The following COL13A1 variants were observed in gnomAD, a reference collection of about 807,000 sequenced individuals.
COL13A1 encodes the protein collagen alpha-1(XIII) chain.
In COL13A1, 89 loss-of-function variants were observed where a neutral mutation model predicts 130.9. The observed-to-expected ratio is 0.68, with a 90% CI of 0.57 to 0.81. The LOEUF (loss-of-function observed/expected upper bound fraction) is 0.81. COL13A1 is among the 30% of genes least tolerant of loss of function. COL13A1 has a pLI of 0.00. For synonymous variants in COL13A1, 402 were observed against 341.6 expected (o/e 1.18, Z -1.95); for missense variants, 879 against 934.6 (o/e 0.94, Z 0.78).
At chr10:69,896,153 G>A (rs942570) in intron 13 of COL13A1, among the ~76,000 whole-genome samples, 151,618 of 152,272 alleles carry the variant, frequency 1, 75,487 homozygotes, top group Middle Eastern at 1. Context: ...CTCTTTAAAA[G>A]CAGAGGAAAC....
At chr10:69,905,020 G>A in intron 16 of COL13A1, 61 bp downstream of exon 16, 1 of 1,534,872 alleles carries the variant, frequency 6.5e-7, no homozygotes. Context: ...GGAGGGAGGG[G>A]GAGGCAGCAC....
intron 36 of COL13A1, among the ~76,000 whole-genome samples, 185 bp downstream of exon 36, chr10:69,944,363 G>A (rs1589692902): frequency 6.6e-6 from 1 of 152,272 alleles, no homozygotes; most frequent in Middle Eastern, 3.4e-3. Context: ...GAGGGATCAA[G>A]GAGATGGAGA....
At position 69,944,154 on chromosome 10, in the gene COL13A1, C is replaced by T. The variant is rs777477660; in HGVS notation, c.1944C>T (p.Gly648=). ...PGTPGPIGVP[G]PAGPKGERGS... is the part of the protein sequence containing the mutation. ...CTCCAGGACCAATTGGAGTTCCAGGCCCAGCGGGACCAAAGGGCGAGAGGG... is the reference window on the plus strand; with the variant it reads ...CTCCAGGACCAATTGGAGTTCCAGGTCCAGCGGGACCAAAGGGCGAGAGGG... The change falls in exon 36 of 41, where the codon GGC becomes GGT. Residue 648 remains glycine, a synonymous_variant. Coordinates refer to ENST00000645393, the MANE Select transcript of COL13A1 (RefSeq NM_001368882.1). 2.0e-5 allele frequency: 33 copies of T among 1,613,708 alleles called. No individual in the cohort carries two copies. In the Admixed American group the frequency reaches 5.5e-4, roughly 27 times the overall value.
At chr10:69,872,519 A>G (rs920741847) in intron 4 of COL13A1, among the ~76,000 whole-genome samples, 2 of 152,202 alleles carry the variant, frequency 1.3e-5, no homozygotes, top group Admixed American at 1.3e-4. Context: ...CCCTACCATG[A>G]GCAGCTGCAG....
chr10:69,830,198 G>A (rs897411931), intron 2 of COL13A1, among the ~76,000 whole-genome samples: 6 of 152,150 alleles, frequency 3.9e-5, no homozygotes, highest in Admixed American at 3.3e-4. Flanking sequence ...GTAAAGAATC[G>A]TGTCCAATAA....
rs558288509 is a variant in COL13A1 at position 69,889,221 on chromosome 10, T to C, written c.577-193T>C. On this transcript the variant is annotated intron_variant, in intron 9 of 40. Coordinates refer to ENST00000645393, the MANE Select transcript of COL13A1 (RefSeq NM_001368882.1). ...GCTAGTGAGGCCCAGCGAGGGGCAG[T>C]GAGCAAATGACCTTGCCTTAGGGAC... is the stretch of plus-strand genomic sequence containing the variant. Among the ~76,000 whole-genome samples the C allele has an allele frequency of 2.4e-3, 360 of 152,198 alleles. 2 individuals carry two copies. The highest frequency in any genetic ancestry group is 3.9e-3 in the Non-Finnish European group (265 of 68,008).
intron 7 of COL13A1, among the ~76,000 whole-genome samples, chr10:69,885,378 T>C (rs2060505556): frequency 4.6e-5 from 7 of 152,118 alleles, no homozygotes. Context: ...GGCAGAGAAA[T>C]ATTGGAAGAG....
chr10:69,931,804 G>A (rs1386092904), intron 30 of COL13A1, among the ~76,000 whole-genome samples: 16 of 152,154 alleles, frequency 1.1e-4, no homozygotes, highest in Non-Finnish European at 1.8e-4. Flanking sequence ...CAAACGTAGC[G>A]GCCTAAGAAA....
chr10:69,923,734 C>A, intron 23 of COL13A1, 68 bp from the exon 24 acceptor site: 3 of 1,559,178 alleles, frequency 1.9e-6, no homozygotes, highest in Non-Finnish European at 2.6e-6. Flanking sequence ...GCAAGACCAT[C>A]TTTTCCCTCA....
At chr10:69,929,719 G>A (rs2065856732) in intron 28 of COL13A1, among the ~76,000 whole-genome samples, 1 of 152,202 alleles carries the variant, frequency 6.6e-6, no homozygotes, top group African/African-American at 2.4e-5. Context: ...CCTTCTGCAA[G>A]GGAGCCAAGG....
intron 2 of COL13A1, among the ~76,000 whole-genome samples, chr10:69,842,886 C>G (rs1348156120): frequency 6.6e-6 from 1 of 152,246 alleles, no homozygotes; most frequent in African/African-American, 2.4e-5. Flanking sequence ...GACCCAGCAG[C>G]AGCATTTATG....
chr10:69,906,995 C>T (rs2062829995), intron 17 of COL13A1, among the ~76,000 whole-genome samples: 1 of 152,150 alleles, frequency 6.6e-6, no homozygotes, highest in Non-Finnish European at 1.5e-5. Flanking sequence ...TCCCAAAGTG[C>T]TGGGATTACA....
At chr10:69,804,809 C>CAAAAAAAAAAAAAAAAAAAAAA (rs57098368) in intron 1 of COL13A1, among the ~76,000 whole-genome samples, 7 of 75,392 alleles carry the variant, frequency 9.3e-5, no homozygotes, top group East Asian at 4.3e-4. Flanking sequence ...ATGTCGTGTG[C>CAAAAAAAAAAAAAAAAAAAAAA]AAAAAAAAAA....
intron 5 of COL13A1, 36 bp downstream of exon 5, chr10:69,875,199 T>C: frequency 1.2e-6 from 2 of 1,613,458 alleles, no homozygotes; most frequent in African/African-American, 1.3e-5. Flanking sequence ...CAGGTGGCCA[T>C]TGCTTGCTTC....
chr10:69,820,812 A>C (rs17582395), intron 1 of COL13A1, among the ~76,000 whole-genome samples: 9,281 of 152,108 alleles, frequency 0.061, 386 homozygotes, highest in East Asian at 0.096. Context: ...TTCCTCCAGC[A>C]GGTGGAGCGG....
At chr10:69,883,065 A>G (rs1378742073) in intron 7 of COL13A1, among the ~76,000 whole-genome samples, 1 of 152,254 alleles carries the variant, frequency 6.6e-6, no homozygotes, top group African/African-American at 2.4e-5. Flanking sequence ...AATAAGAACC[A>G]GCCTTGCCAC....
chr10:69,949,949 C>T (rs201344651), intron 38 of COL13A1, among the ~76,000 whole-genome samples: 108 of 103,546 alleles, frequency 1.0e-3, no homozygotes, highest in East Asian at 5.2e-3. Flanking sequence ...TGTGTGTGTG[C>T]GTGTGTTTGT....
chr10:69,895,591 A>G lies in COL13A1; in HGVS notation c.684+15A>G. On this transcript the variant is annotated intron_variant, in intron 13 of 40. Coordinates refer to ENST00000645393, the MANE Select transcript of COL13A1 (RefSeq NM_001368882.1). ...ACCCACACCGGGTAAGTGAACCCCTAAAATTTAGCAGGGCACTTTGATCCA... is the reference window on the plus strand; with the variant it reads ...ACCCACACCGGGTAAGTGAACCCCTGAAATTTAGCAGGGCACTTTGATCCA... 1.9e-6 allele frequency: 3 copies of G among 1,613,720 alleles called. No homozygotes were observed. In the African/African-American group the frequency reaches 4.0e-5, roughly 22 times the overall value.
chr10:69,843,153 C>T (rs576763800), intron 2 of COL13A1, among the ~76,000 whole-genome samples: 25 of 152,258 alleles, frequency 1.6e-4, no homozygotes, highest in African/African-American at 5.8e-4. Context: ...GAGATTCTCA[C>T]CATGTCGTGT....
Sources: allele counts gnomAD v4.1 joint callset (sites outside exome capture counted in the v4.1 genomes callset), GRCh38; gene constraint gnomAD v4.1.1; transcripts MANE v1.5; gene names NCBI Gene and HGNC (gene_info 2026-07-23, HGNC 2026-07-21).